ZNF418: variants seen among roughly 807,000 people sequenced by gnomAD.
The protein encoded by ZNF418 is zinc finger protein 418.
ZNF418 carries 32 observed loss-of-function variants against 32.0 expected under a neutral mutation model. The observed-to-expected ratio is 1.00, with a 90% CI of 0.75 to 1.34. ZNF418 has a LOEUF of 1.34. ZNF418 is among the 40% of genes most tolerant of loss of function. The pLI, the probability that ZNF418 is intolerant of heterozygous loss-of-function variation, is 0.00. For synonymous variants in ZNF418, 276 were observed against 270.7 expected, an observed-to-expected ratio of 1.02 and a Z score of -0.19; for missense variants, 804 against 812.5, an observed-to-expected ratio of 0.99 and a Z score of 0.13.
intron 3 of ZNF418, 116 bp from the exon 4 acceptor site, chr19:57,928,163 G>T: frequency 1.1e-6 from 1 of 918,140 alleles, no homozygotes; most frequent in Non-Finnish European, 1.6e-6. Context: ...TGCAGGAACA[G>T]AAAGTTGGCT....
chr19:57,926,385 G>A lies in ZNF418; in HGVS notation c.1796C>T (p.Thr599Ile). 1.2e-6 allele frequency: 2 copies of A among 1,612,830 alleles called. No individual in the cohort carries two copies. Among genetic ancestry groups the A allele is most frequent in the South Asian group, 2.2e-5 (2 of 91,072 alleles). The change falls in exon 4 of 6, where the codon ACA becomes ATA. Residue 599 changes from threonine (T) to isoleucine (I), a missense_variant. This residue lies in a region of ZNF418 where 475 missense variants were observed against 458.6 expected (regional missense o/e 1.04). Coordinates refer to ENST00000396147, the MANE Select transcript of ZNF418 (RefSeq NM_133460.3). ...RPYECRECGK[T>I]FTRRSAHFKH... ...AAAATGCGCAGACCTTCGAGTAAATGTTTTTCCACATTCCCTGCATTCATA... is the reference window on the plus strand; with the variant it reads ...AAAATGCGCAGACCTTCGAGTAAATATTTTTCCACATTCCCTGCATTCATA...
At chr19:57,932,459 T>A in intron 2 of ZNF418, 1 of 1,535,458 alleles carries the variant, frequency 6.5e-7, no homozygotes, top group Non-Finnish European at 8.7e-7. Flanking sequence ...CCAATAGCAA[T>A]GCAGTCCCAA....
chr19:57,924,456 T>C (rs1457684674), intron 4 of ZNF418, among the ~76,000 whole-genome samples: 1 of 152,174 alleles, frequency 6.6e-6, no homozygotes, highest in Non-Finnish European at 1.5e-5. Context: ...GACAATGGCC[T>C]CAGCTACACA....
In ZNF418 at chr19:57,927,579, G is replaced by C. The variant is rs754509272; in HGVS notation, c.602C>G (p.Thr201Ser). 2.0e-5 allele frequency: 32 copies of C among 1,614,060 alleles called. 1 individual carries two copies. The South Asian group carries it at 3.0e-4, about 15-fold the overall frequency. ...ECESPFQWGD[T>S]HYSCGECMKH... ...CATGCATTCTCCACAGCTGTAATGAGTATCTCCCCACTGAAAGGGAGACTC... is the reference window on the plus strand; with the variant it reads ...CATGCATTCTCCACAGCTGTAATGACTATCTCCCCACTGAAAGGGAGACTC... Residue 201 changes from threonine to serine, a missense_variant, in exon 4 of 6, where the codon ACT becomes AGT. Thr to Ser is a moderately conservative substitution (Grantham distance 58, BLOSUM62 1). Around this residue, in one of 3 missense-constraint regions of ZNF418, gnomAD observed 307 missense variants for 304.9 expected, o/e 1.01. Transcript: ENST00000396147.
intron 4 of ZNF418, among the ~76,000 whole-genome samples, chr19:57,924,211 TCTC>T (rs1378551500): frequency 1.3e-5 from 2 of 151,706 alleles, no homozygotes; most frequent in Non-Finnish European, 2.9e-5. Context: ...CTATACAAAA[TCTC>T]CTCATGTCCT....
At position 57,928,855 on chromosome 19, in the gene ZNF418, G is replaced by A. The variant is rs184326683; in HGVS notation, c.134-808C>T. Among the ~76,000 whole-genome samples the A allele has an allele frequency of 1.2e-3, 175 of 152,136 alleles. 1 individual carries two copies. The highest frequency in any genetic ancestry group is 4.0e-3 in the African/African-American group (165 of 41,520). ...AAAAATACAAAAAAATTAGCCGGGC[G>A]TGGTGGCGGGCGCCTGTAGTCTCAG... On this transcript the variant is annotated intron_variant, in intron 3 of 5. Coordinates refer to ENST00000396147, the MANE Select transcript of ZNF418 (RefSeq NM_133460.3).
intron 1 of ZNF418, chr19:57,934,169 GA>G: frequency 8.2e-7 from 1 of 1,220,334 alleles, no homozygotes; most frequent in Non-Finnish European, 1.0e-6. Flanking sequence ...ACAAGCTAGA[GA>G]ACATGTGAAT....
intron 5 of ZNF418, 139 bp from the exon 6 acceptor site, chr19:57,922,768 G>A (rs746483070): frequency 1.2e-4 from 45 of 391,136 alleles, no homozygotes; most frequent in Non-Finnish European, 1.7e-4. Context: ...AGAGGCCAAG[G>A]TGGGAAGATC....
chr19:57,929,931 G>A (rs1211757846), intron 3 of ZNF418, among the ~76,000 whole-genome samples: 9 of 152,038 alleles, frequency 5.9e-5, no homozygotes, highest in South Asian at 4.1e-4. Context: ...TGATCCACCC[G>A]CCTCGGCCTC....
chr19:57,927,063 TCA>T lies in ZNF418; in HGVS notation c.1116_1117del (p.Cys372Ter), dbSNP rs754380812. On this transcript the variant is annotated stop_gained and frameshift_variant, in exon 4 of 6. Transcript: ENST00000396147. LOFTEE classifies it low-confidence loss of function (END_TRUNC). ...TTGACTAAAACATTTTCCACATTCT[TCA>T]CACTCATAAGGTCTTTCACTAGTGT... is the stretch of plus-strand genomic sequence containing the variant. 3.7e-6 allele frequency: 6 copies of T among 1,613,238 alleles called. No individual in the cohort carries two copies. In the East Asian group the frequency reaches 1.3e-4, roughly 36 times the overall value.
In ZNF418 at chr19:57,927,839, T is replaced by G. The variant is rs150200636; in HGVS notation, c.342A>C (p.Ala114=). Residue 114 remains alanine (A), a synonymous_variant, in exon 4 of 6, where the codon GCA becomes GCC. Coordinates refer to ENST00000396147, the MANE Select transcript of ZNF418 (RefSeq NM_133460.3). ...AACTATCATACAATTTATTCCCCCA[T>G]GCCTCACACCTGTGCAGTTTCTGCT... The part of the protein sequence containing the change: ...HHKQKLHRCE[A]WGNKLYDSSN... 2.6e-5 allele frequency: 42 copies of G among 1,613,932 alleles called. No individual in the cohort carries two copies. Among genetic ancestry groups the G allele is most frequent in the South Asian group, 6.6e-5 (6 of 91,084 alleles).
intron 3 of ZNF418, among the ~76,000 whole-genome samples, chr19:57,928,554 G>A (rs989859614): frequency 6.6e-6 from 1 of 152,124 alleles, no homozygotes; most frequent in Non-Finnish European, 1.5e-5. Flanking sequence ...GTAAGCCAAT[G>A]CACCTGCTGT....
chr19:57,930,743 A>AAGAAGTAGGGG (rs2072451914), intron 2 of ZNF418, among the ~76,000 whole-genome samples, 189 bp from the exon 3 acceptor site: 1 of 152,000 alleles, frequency 6.6e-6, no homozygotes, highest in Non-Finnish European at 1.5e-5. Context: ...ATCAGCAATT[A>AAGAAGTAGGGG]AGAAGTAGGG....
rs2072010878 is a variant in ZNF418 at position 57,921,902 on chromosome 19, A to T, written c.*1353T>A. On this transcript the variant is annotated 3_prime_UTR_variant, in exon 6 of 6. Transcript: ENST00000396147. ...AGAAAGAAAATGAGACATAGGGTTT[A>T]TTGAGGACTTAGATACAGGGCAGTC... 6.6e-6 allele frequency: 1 copy of T among 152,384 alleles called. No homozygotes were observed. The highest frequency in any genetic ancestry group is 1.5e-5 in the Non-Finnish European group (1 of 68,218). The allele number at this position is 152,384 out of a possible 1,614,324, so 9.4% of individuals were successfully genotyped here.
rs2072017827 is a variant in ZNF418 at position 57,922,061 on chromosome 19, G to A, written c.*1194C>T. 6.6e-6 allele frequency: 1 copy of A among 152,396 alleles called. No homozygotes were observed. Among genetic ancestry groups the A allele is most frequent in the Non-Finnish European group, 1.5e-5 (1 of 68,212 alleles). The allele number at this position is 152,396 out of a possible 1,614,324, so 9.4% of individuals were successfully genotyped here. A position where few individuals can be genotyped will look rare whatever the true frequency, so the allele number is the denominator to read the frequency against. On this transcript the variant is annotated 3_prime_UTR_variant, in exon 6 of 6. Coordinates refer to ENST00000396147, the MANE Select transcript of ZNF418 (RefSeq NM_133460.3). ...TTCCAAGGAACAGGCCAGGGGTTCA[G>A]AAACCTCCAGGTTGGCCACTCCTGG...
chr19:57,933,013 A>G (rs936681061), intron 2 of ZNF418, among the ~76,000 whole-genome samples: 1 of 152,166 alleles, frequency 6.6e-6, no homozygotes, highest in African/African-American at 2.4e-5. Context: ...CAGGGACCCA[A>G]GCAAGAAATT....
At chr19:57,934,734 G>A in intron 1 of ZNF418, 1 of 226,594 alleles carries the variant, frequency 4.4e-6, no homozygotes, top group Non-Finnish European at 8.6e-6. Flanking sequence ...AGAACCCTAA[G>A]GTCCTCATCT....
At position 57,926,239 on chromosome 19, in the gene ZNF418, C is replaced by T; in HGVS notation, c.1942G>A (p.Glu648Lys). 1 of 1,613,946 alleles carries T rather than the reference C, an allele frequency of 6.2e-7. No individual in the cohort carries two copies. Among genetic ancestry groups the T allele is most frequent in the Non-Finnish European group, 8.5e-7 (1 of 1,179,894 alleles). ...AATGATTTTCCACATTCACTGCACT[C>T]ATAAGGCCTTTCTCCAGTGTGTACT... ...RRVHTGERPY[E>K]CSECGKSFHR... The change falls in exon 4 of 6, where the codon GAG (glutamate) becomes AAG (lysine). Residue 648 changes from glutamate to lysine, a missense_variant. Around this residue, in one of 3 missense-constraint regions of ZNF418, gnomAD observed 475 missense variants for 458.6 expected, o/e 1.04. Coordinates refer to ENST00000396147, the MANE Select transcript of ZNF418 (RefSeq NM_133460.3).
In ZNF418 at chr19:57,928,054, G is replaced by A. The variant is rs1000956718; in HGVS notation, c.134-7C>T. The A allele has an allele frequency of 1.3e-6, 2 of 1,518,408 alleles. No individual in the cohort carries two copies. The highest frequency in any genetic ancestry group is 1.4e-5 in the African/African-American group (1 of 71,944). The allele number at this position is 1,518,408 out of a possible 1,614,324, so 94.1% of individuals were successfully genotyped here. On this transcript the variant is annotated splice_region_variant and splice_polypyrimidine_tract_variant and intron_variant, in intron 3 of 5. Transcript: ENST00000396147. ...TCTGATCCACACCAACAACCTGAAA[G>A]CAAGAAAATGCTGATGAATTCAAGT...
Sources: allele counts gnomAD v4.1 joint callset (sites outside exome capture counted in the v4.1 genomes callset), GRCh38; gene constraint gnomAD v4.1.1; regional missense constraint gnomAD v4.1.1; transcripts MANE v1.5; gene names NCBI Gene and HGNC (gene_info 2026-07-23, HGNC 2026-07-21).